Variants in PECR observed in about 807,000 individuals in gnomAD.
PECR encodes the protein peroxisomal trans-2-enoyl-CoA reductase.
Under a neutral mutation model 35.3 loss-of-function variants are expected in PECR, and 30 were observed. That is an observed-to-expected ratio of 0.85 (90% CI 0.64 to 1.15). The LOEUF is 1.15. PECR is among the 50% of genes most tolerant of loss of function. The pLI, the probability that PECR is intolerant of heterozygous loss-of-function variation, is 0.00. For synonymous variants in PECR, 148 were observed against 138.9 expected, an observed-to-expected ratio of 1.07 and a Z score of -0.46; for missense variants, 392 against 370.8, an observed-to-expected ratio of 1.06 and a Z score of -0.47.
chr2:216,061,626 A>G (rs915855204), intron 3 of PECR, among the ~76,000 whole-genome samples: 1 of 152,180 alleles, frequency 6.6e-6, no homozygotes, highest in East Asian at 1.9e-4. Flanking sequence ...CCACAAAACA[A>G]TTAGAGAAAT....
At chr2:216,077,089 G>A (rs376494207) in intron 1 of PECR, among the ~76,000 whole-genome samples, 7 of 151,744 alleles carry the variant, frequency 4.6e-5, no homozygotes, top group East Asian at 4.0e-4. Context: ...AGTAGAGATG[G>A]GGTTTCTATA....
rs1226552759 is a variant in PECR at position 216,043,001 on chromosome 2, A to G, written c.826+903T>C. Among the ~76,000 whole-genome samples the G allele has an allele frequency of 1.7e-5, 2 of 119,020 alleles. 1 individual carries two copies. The highest frequency in any genetic ancestry group is 6.2e-5 in the African/African-American group (2 of 32,278). 78.1% of individuals were successfully genotyped at this position (119,020 alleles called of 152,430 possible). A position where few individuals can be genotyped will look rare whatever the true frequency, so the allele number is the denominator to read the frequency against. On this transcript the variant is annotated intron_variant, in intron 7 of 7. Transcript: ENST00000265322. ...TGTGTATATATATATACATACGTAT[A>G]TGTGTATATATATATACACATACGT...
At chr2:216,051,956 G>A (rs1695124500) in intron 4 of PECR, among the ~76,000 whole-genome samples, 1 of 152,172 alleles carries the variant, frequency 6.6e-6, no homozygotes, top group Non-Finnish European at 1.5e-5. Flanking sequence ...GGAGGCCAAG[G>A]CGGGCGGATC....
At chr2:216,040,186 T>C (rs929581799) in intron 7 of PECR, among the ~76,000 whole-genome samples, 1 of 152,236 alleles carries the variant, frequency 6.6e-6, no homozygotes, top group African/African-American at 2.4e-5. Flanking sequence ...TTCAGTTATG[T>C]GCCAGCGAAT....
At chr2:216,073,198 C>T (rs2105967823) in intron 1 of PECR, among the ~76,000 whole-genome samples, 1 of 152,308 alleles carries the variant, frequency 6.6e-6, no homozygotes, top group East Asian at 1.9e-4. Context: ...GAGAAGCTTA[C>T]TCCTTTCTCC....
At chr2:216,058,781 C>T in intron 4 of PECR, 114 bp downstream of exon 4, 1 of 684,786 alleles carries the variant, frequency 1.5e-6, no homozygotes, top group South Asian at 1.7e-5. Flanking sequence ...GTTAGAATCA[C>T]AGCTCATTAA....
chr2:216,032,322 C>T (rs984081489), intron 7 of PECR, among the ~76,000 whole-genome samples: 7 of 152,198 alleles, frequency 4.6e-5, no homozygotes, highest in African/African-American at 7.2e-5. Context: ...TTTTACTTTG[C>T]TGATTTGTTT....
intron 6 of PECR, among the ~76,000 whole-genome samples, chr2:216,047,254 G>A (rs1163391705): frequency 4.8e-5 from 5 of 104,056 alleles, no homozygotes; most frequent in South Asian, 3.0e-4. Context: ...GTGTAACTTC[G>A]TCTCAGGAAA....
chr2:216,056,664 T>C (rs1361821098), intron 4 of PECR, among the ~76,000 whole-genome samples: 1 of 142,022 alleles, frequency 7.0e-6, no homozygotes, highest in Non-Finnish European at 1.5e-5. Flanking sequence ...GAGGTTGCAG[T>C]GAGCCAAGAT....
intron 3 of PECR, among the ~76,000 whole-genome samples, chr2:216,061,896 A>C (rs957590306): frequency 3.9e-5 from 6 of 152,136 alleles, no homozygotes; most frequent in African/African-American, 1.2e-4. Context: ...TATATTTAAG[A>C]GATATATAAA....
At chr2:216,036,966 A>G (rs990890900), downstream of PECR, among the ~76,000 whole-genome samples, 1 of 152,154 alleles carries the variant, frequency 6.6e-6, no homozygotes, top group Non-Finnish European at 1.5e-5. Context: ...CGTGGACATC[A>G]TGGCCTTATC....
At position 216,043,917 on chromosome 2, in the gene PECR, C is replaced by A. The variant is rs372529683; in HGVS notation, c.813G>T (p.Ser271=). The change falls in exon 7 of 8, where the codon TCG becomes TCT. Residue 271 remains serine (S), a synonymous_variant. Transcript: ENST00000265322. ...VDGGRSLYTH[S]YEVPDHDNWP... ...TCAGCTGCTCACCTGGTACCTCATA[C>A]GAGTGAGTATAGAGACTCCGGCCCC... is the stretch of plus-strand genomic sequence containing the variant. 4.4e-6 allele frequency: 7 copies of A among 1,581,174 alleles called. No homozygotes were observed. Among genetic ancestry groups the A allele is most frequent in the Non-Finnish European group, 6.1e-6 (7 of 1,149,734 alleles).
chr2:216,069,314 G>A (rs1193802528), intron 1 of PECR, among the ~76,000 whole-genome samples: 5 of 152,138 alleles, frequency 3.3e-5, no homozygotes, highest in Admixed American at 6.6e-5. Flanking sequence ...GAAGAGCTCA[G>A]ACAGCAAATA....
At chr2:216,080,493 C>A (rs1354781854) in intron 1 of PECR, among the ~76,000 whole-genome samples, 1 of 152,156 alleles carries the variant, frequency 6.6e-6, no homozygotes, top group Non-Finnish European at 1.5e-5. Flanking sequence ...TACATCCTTG[C>A]ATGAAAATCT....
At chr2:216,043,115 AT>A (rs200393350) in intron 7 of PECR, among the ~76,000 whole-genome samples, 7 of 134,474 alleles carry the variant, frequency 5.2e-5, no homozygotes, top group African/African-American at 1.8e-4. Flanking sequence ...ATATATATAT[AT>A]TTTTTTTTGA....
chr2:216,030,756 T>C (rs1405143372), intron 7 of PECR, among the ~76,000 whole-genome samples: 1 of 149,722 alleles, frequency 6.7e-6, no homozygotes, highest in Admixed American at 6.7e-5. Flanking sequence ...AGAGAGAAGG[T>C]TTCACCATGT....
chr2:216,046,308 A>ATTTTTTT (rs1413493863), intron 6 of PECR, among the ~76,000 whole-genome samples: 2 of 112,126 alleles, frequency 1.8e-5, no homozygotes, highest in African/African-American at 8.5e-5. Flanking sequence ...ATATATATAT[A>ATTTTTTT]TATTTTTTTT....
intron 7 of PECR, among the ~76,000 whole-genome samples, chr2:216,030,550 AT>A (rs538194722): frequency 0.022 from 3,215 of 148,154 alleles, 128 homozygotes; most frequent in African/African-American, 0.074. Context: ...ATATTTTGCA[AT>A]TTTTTTTTTT....
chr2:216,042,927 TTATATATATACATACGTATATGTGTA>T (rs1694912674), intron 7 of PECR, among the ~76,000 whole-genome samples: 1 of 143,356 alleles, frequency 7.0e-6, no homozygotes, highest in Admixed American at 7.1e-5. Flanking sequence ...CGACTAACTG[TTATATATATACATACGTATATGTGTA>T]TATATATATA....
Sources: gnomAD v4.1 joint callset for allele counts (sites outside exome capture counted in the v4.1 genomes callset) on GRCh38, gnomAD v4.1.1 for gene constraint, MANE v1.5 for transcripts, NCBI Gene and HGNC (gene_info 2026-07-23, HGNC 2026-07-21) for gene names.